The following ANO3 variants were observed in gnomAD, a reference collection of about 807,000 sequenced individuals.
ANO3 encodes the protein anoctamin-3.
ANO3 carries 99 observed loss-of-function variants against 144.8 expected under a neutral mutation model. The ratio of observed to expected loss-of-function variants is 0.68; its 90% CI spans 0.58 to 0.81. ANO3 has a LOEUF of 0.81. Among genes scored for constraint, ANO3 ranks in the 30% least tolerant of loss-of-function variants. The probability of loss-of-function intolerance (pLI) is 0.00; values close to 1 mark genes in which losing one functional copy is unlikely to be tolerated. For synonymous variants in ANO3, 414 were observed against 392.6 expected (o/e 1.05, Z -0.64); for missense variants, 905 against 1,202.2 (o/e 0.75, Z 3.66).
chr11:26,240,744 T>C (rs1852645976), intron 1 of ANO3, among the ~76,000 whole-genome samples: 1 of 152,328 alleles, frequency 6.6e-6, no homozygotes, highest in Admixed American at 6.5e-5. Flanking sequence ...ACTTGATAAC[T>C]CCCTTGACCC....
intron 1 of ANO3, among the ~76,000 whole-genome samples, chr11:26,439,143 G>T (rs1051244600): frequency 1.3e-5 from 2 of 152,132 alleles, no homozygotes; most frequent in African/African-American, 2.4e-5. Context: ...TAAAGTTGGA[G>T]CCTACCTTCA....
At chr11:26,635,160 C>A in intron 20 of ANO3, 90 bp downstream of exon 20, 1 of 1,229,222 alleles carries the variant, frequency 8.1e-7, no homozygotes, top group South Asian at 1.3e-5. Context: ...AGGAGAAGTT[C>A]AGGGAACTTT....
At chr11:26,618,222 T>C (rs1490787404) in intron 17 of ANO3, among the ~76,000 whole-genome samples, 2 of 148,118 alleles carry the variant, frequency 1.4e-5, no homozygotes, top group Non-Finnish European at 3.0e-5. Flanking sequence ...CAGTCAGACC[T>C]TTTTTTTTTG....
intron 1 of ANO3, among the ~76,000 whole-genome samples, chr11:26,196,015 C>T (rs552496785): frequency 6.6e-6 from 1 of 152,240 alleles, no homozygotes; most frequent in South Asian, 2.1e-4. Flanking sequence ...ATCTTATTCT[C>T]TTGTGACTTC....
intron 1 of ANO3, among the ~76,000 whole-genome samples, chr11:26,371,640 G>C (rs949933418): frequency 9.9e-5 from 15 of 152,254 alleles, no homozygotes; most frequent in African/African-American, 3.1e-4. Flanking sequence ...GGGAGCAACT[G>C]CCCAAGACTG....
chr11:26,445,221 C>T (rs79132801), intron 3 of ANO3, among the ~76,000 whole-genome samples: 1 of 152,094 alleles, frequency 6.6e-6, no homozygotes, highest in African/African-American at 2.4e-5. Flanking sequence ...GAAGCTGAAA[C>T]TATATTATCA....
chr11:26,328,510 A>G (rs1854948569), upstream of ANO3, among the ~76,000 whole-genome samples: 2 of 152,214 alleles, frequency 1.3e-5, no homozygotes, highest in Non-Finnish European at 2.9e-5. Context: ...GACAGAGCAC[A>G]ATACAGAGAA....
intron 1 of ANO3, among the ~76,000 whole-genome samples, chr11:26,354,275 T>G (rs1279121026): frequency 6.6e-6 from 1 of 152,192 alleles, no homozygotes; most frequent in East Asian, 1.9e-4. Context: ...AATACTGTAT[T>G]GTAGACTTAA....
intron 1 of ANO3, among the ~76,000 whole-genome samples, chr11:26,257,203 C>T (rs1853079367): frequency 6.6e-6 from 1 of 151,852 alleles, no homozygotes; most frequent in African/African-American, 2.4e-5. Context: ...CATAAATATA[C>T]ATACAGAAGC....
chr11:26,651,574 T>C (rs1358277067), intron 24 of ANO3, among the ~76,000 whole-genome samples: 1 of 152,170 alleles, frequency 6.6e-6, no homozygotes, highest in Non-Finnish European at 1.5e-5. Context: ...TATAGGTATT[T>C]TTCTTTAAGA....
chr11:26,558,641 G>T (rs914798482), intron 13 of ANO3, among the ~76,000 whole-genome samples: 1 of 151,908 alleles, frequency 6.6e-6, no homozygotes. Context: ...ACCTTCAAAG[G>T]GAGCGCATCT....
At chr11:26,586,884 GC>G (rs1851302467) in intron 14 of ANO3, among the ~76,000 whole-genome samples, 1 of 151,908 alleles carries the variant, frequency 6.6e-6, no homozygotes, top group Non-Finnish European at 1.5e-5. Context: ...AACTATGCAT[GC>G]CAAACTTTTC....
At chr11:26,286,846 C>T (rs185317249) in intron 1 of ANO3, among the ~76,000 whole-genome samples, 7 of 152,312 alleles carry the variant, frequency 4.6e-5, no homozygotes, top group African/African-American at 1.7e-4. Flanking sequence ...CAGGGCTTAG[C>T]TCCAAACTAT....
chr11:26,476,026 A>AT (rs1206195104), intron 4 of ANO3, among the ~76,000 whole-genome samples: 8 of 152,034 alleles, frequency 5.3e-5, no homozygotes, highest in Admixed American at 2.6e-4. Context: ...GAGAATTTGC[A>AT]TTTTTAAGTT....
intron 1 of ANO3, among the ~76,000 whole-genome samples, chr11:26,316,422 A>T (rs563388199): frequency 1.3e-5 from 2 of 152,210 alleles, no homozygotes; most frequent in Non-Finnish European, 2.9e-5. Context: ...GTATACAGAG[A>T]TAAGAATTTA....
At chr11:26,436,333 G>T (rs1324474188) in intron 1 of ANO3, among the ~76,000 whole-genome samples, 1 of 152,170 alleles carries the variant, frequency 6.6e-6, no homozygotes, top group Non-Finnish European at 1.5e-5. Flanking sequence ...TGGCTCAAAA[G>T]TCCCAGCAGG....
intron 1 of ANO3, among the ~76,000 whole-genome samples, chr11:26,342,393 C>G (rs1855386921): frequency 1.3e-5 from 2 of 152,140 alleles, no homozygotes; most frequent in African/African-American, 4.8e-5. Flanking sequence ...GGATGAGTGC[C>G]TTCTGAAGGG....
intron 4 of ANO3, among the ~76,000 whole-genome samples, chr11:26,473,575 C>A (rs1455957099): frequency 6.6e-6 from 1 of 151,118 alleles, no homozygotes; most frequent in African/African-American, 2.4e-5. Context: ...GAACTCCACT[C>A]CGCTATCAAA....
intron 1 of ANO3, among the ~76,000 whole-genome samples, chr11:26,239,853 A>AT (rs1340197046): frequency 1.3e-5 from 2 of 152,216 alleles, no homozygotes; most frequent in Non-Finnish European, 2.9e-5. Context: ...ATAATTGAAG[A>AT]TTTTTACTCT....
Sources: gnomAD v4.1 joint callset for allele counts (sites outside exome capture counted in the v4.1 genomes callset) on GRCh38, gnomAD v4.1.1 for gene constraint, MANE v1.5 for transcripts, NCBI Gene and HGNC (gene_info 2026-07-23, HGNC 2026-07-21) for gene names.